OAS2: variants seen among roughly 807,000 people sequenced by gnomAD.
OAS2 encodes the protein 2'-5'-oligoadenylate synthetase 2.
Under a neutral mutation model 71.3 loss-of-function variants are expected in OAS2, and 67 were observed. That is an observed-to-expected ratio of 0.94 (90% confidence interval 0.77 to 1.15). OAS2 has a LOEUF of 1.15. Among genes scored for constraint, OAS2 ranks in the 50% most tolerant of loss-of-function variants. The probability of loss-of-function intolerance (pLI) is 0.00; values close to 1 mark genes in which losing one functional copy is unlikely to be tolerated. For synonymous variants in OAS2, 327 were observed against 321.8 expected (o/e 1.02, Z -0.17); for missense variants, 789 against 822.5 (o/e 0.96, Z 0.50).
intron 2 of OAS2, chr12:112,987,580 C>T (rs1206887516): frequency 2.4e-6 from 3 of 1,275,742 alleles, no homozygotes; most frequent in Non-Finnish European, 3.0e-6. Context: ...ACACATAAAT[C>T]ACCTGGAACC....
In OAS2 at chr12:112,978,802, G is replaced by A. The variant is rs2044052596; in HGVS notation, c.177+17G>A. On this transcript the variant is annotated intron_variant, in intron 1 of 9. Coordinates refer to ENST00000392583, the MANE Select transcript of OAS2 (RefSeq NM_002535.3). The surrounding 1 kb of genome is among the most constrained non-coding windows in gnomAD (Gnocchi z 4.2). Reference sequence around the variant, plus strand: ...GTGGCCATAGTGAGTCCAGGGCTGAGGTTGGGTCTCTGGGAGGCAGGAGAT... The same window carrying A: ...GTGGCCATAGTGAGTCCAGGGCTGAAGTTGGGTCTCTGGGAGGCAGGAGAT... 6.3e-7 allele frequency: 1 copy of A among 1,591,636 alleles called. No homozygotes were observed. The highest frequency in any genetic ancestry group is 1.3e-5 in the African/African-American group (1 of 74,128).
At chr12:112,988,076 A>G in intron 2 of OAS2, 2 of 985,466 alleles carry the variant, frequency 2.0e-6, no homozygotes, top group Non-Finnish European at 2.4e-6. Flanking sequence ...GTCTAAGCTG[A>G]CCACCAATTA....
intron 2 of OAS2, among the ~76,000 whole-genome samples, chr12:112,992,257 G>A (rs2044198822): frequency 6.6e-6 from 1 of 152,028 alleles, no homozygotes; most frequent in Non-Finnish European, 1.5e-5. Flanking sequence ...TAGATGTGGT[G>A]GCATGCAGCT....
In OAS2 at chr12:112,998,836, C is replaced by T. The variant is rs1410696978; in HGVS notation, c.1008+426C>T. On this transcript the variant is annotated intron_variant, in intron 5 of 9. Coordinates refer to ENST00000392583, the MANE Select transcript of OAS2 (RefSeq NM_002535.3). ...ACAGTCATACTGAATTAGGGCCCAA[C>T]ATAATGACCTAATCTTCACTAGATC... 2.0e-5 allele frequency among the ~76,000 whole-genome samples: 3 copies of T among 152,200 alleles called. 1 individual carries two copies. Among genetic ancestry groups the T allele is most frequent in the African/African-American group, 7.2e-5 (3 of 41,450 alleles).
At chr12:112,998,222 A>G (rs369268291) in intron 4 of OAS2, 44 bp from the exon 5 acceptor site, 117 of 1,592,816 alleles carry the variant, frequency 7.3e-5, no homozygotes, top group Admixed American at 1.1e-4. Context: ...TTTGCCTCCC[A>G]CAAGCAGCTC....
chr12:112,997,051 T>C (rs747963972), intron 3 of OAS2, among the ~76,000 whole-genome samples: 12 of 152,310 alleles, frequency 7.9e-5, no homozygotes, highest in African/African-American at 2.4e-4. Flanking sequence ...TATGCTAAGA[T>C]GTTATCTTTA....
intron 5 of OAS2, among the ~76,000 whole-genome samples, chr12:112,999,138 C>T (rs2044262000): frequency 6.6e-6 from 1 of 152,212 alleles, no homozygotes; most frequent in Non-Finnish European, 1.5e-5. Context: ...CCAGGACAGG[C>T]TCTGAGCTCC....
chr12:112,988,154 A>G, intron 2 of OAS2: 1 of 983,432 alleles, frequency 1.0e-6, no homozygotes, highest in Non-Finnish European at 1.2e-6. Flanking sequence ...CAGGTGTCCT[A>G]AAAGTTCAGC....
intron 2 of OAS2, among the ~76,000 whole-genome samples, chr12:112,991,248 A>G (rs1348322734): frequency 2.0e-5 from 3 of 152,124 alleles, no homozygotes; most frequent in East Asian, 1.9e-4. Flanking sequence ...CTGGCTCTCT[A>G]TGTCTGGGTT....
At chr12:113,000,479 CAT>C (rs1370444031) in intron 5 of OAS2, among the ~76,000 whole-genome samples, 2 of 118,214 alleles carry the variant, frequency 1.7e-5, no homozygotes, top group East Asian at 3.9e-4. Context: ...CTCATGCACA[CAT>C]ACACACACAC....
intron 2 of OAS2, chr12:112,987,996 T>A: frequency 2.0e-6 from 2 of 985,430 alleles, no homozygotes; most frequent in Non-Finnish European, 2.4e-6. Flanking sequence ...AGTGACTCCA[T>A]CTTAAAGCAA....
chr12:112,997,573 G>T lies in OAS2; in HGVS notation c.681G>T (p.Leu227=). The change falls in exon 4 of 10, where the codon CTG becomes CTT. Residue 227 remains leucine (L), a synonymous_variant. Transcript: ENST00000392583. ...LPSLSPYALE[L]LTVYAWEQGC... is the part of the protein sequence containing the mutation. ...CGCTGTCTCCGTATGCCCTGGAGCT[G>T]CTTACGGTGTATGCCTGGGAACAGG... is the stretch of plus-strand genomic sequence containing the variant. 2.5e-6 allele frequency: 4 copies of T among 1,614,154 alleles called. No individual in the cohort carries two copies. Among genetic ancestry groups the T allele is most frequent in the Non-Finnish European group, 1.7e-6 (2 of 1,180,006 alleles).
intron 1 of OAS2, among the ~76,000 whole-genome samples, chr12:112,981,510 A>G (rs1478652484): frequency 6.6e-6 from 1 of 152,088 alleles, no homozygotes; most frequent in Non-Finnish European, 1.5e-5. Context: ...TGCTTTCTCA[A>G]TCAGTTGGCT....
At position 112,990,057 on chromosome 12, in the gene OAS2, G is replaced by A. The variant is rs556243689; in HGVS notation, c.448+2749G>A. Among the ~76,000 whole-genome samples the A allele has an allele frequency of 3.3e-4, 50 of 152,218 alleles. 1 individual carries two copies. Among genetic ancestry groups the A allele is most frequent in the Admixed American group, 2.7e-3 (42 of 15,298 alleles). ...CCTGTCTCACTCCACCCTGCAGCTG[G>A]TGCTCTCTTTCCATGCACAAATATT... On this transcript the variant is annotated intron_variant, in intron 2 of 9. Coordinates refer to ENST00000392583, the MANE Select transcript of OAS2 (RefSeq NM_002535.3).
rs1197053075 is a variant in OAS2, at chr12:113,011,546, C to T, written c.*2291C>T. On this transcript the variant is annotated 3_prime_UTR_variant, in exon 10 of 10. Transcript: ENST00000392583. ...CCAATAAAAACTCTGGACAGTGAGG[C>T]TTGGGGAGCTTCCTGATTGGCAGAC... The T allele has an allele frequency of 2.0e-5, 3 of 152,188 alleles. No homozygotes were observed. The highest frequency in any genetic ancestry group is 1.3e-4 in the Admixed American group (2 of 15,278). 9.4% of individuals were successfully genotyped at this position (152,188 alleles called of 1,614,324 possible). A position where few individuals can be genotyped will look rare whatever the true frequency, so the allele number is the denominator to read the frequency against.
At chr12:113,005,918 C>A (rs866265280) in intron 7 of OAS2, among the ~76,000 whole-genome samples, 13 of 49,044 alleles carry the variant, frequency 2.7e-4, no homozygotes, top group African/African-American at 3.5e-4. Context: ...ACAACAACAA[C>A]AAAAAAAAAA....
chr12:113,009,519 T>C lies in OAS2; in HGVS notation c.*264T>C. On this transcript the variant is annotated 3_prime_UTR_variant, in exon 10 of 10. Coordinates refer to ENST00000392583, the MANE Select transcript of OAS2 (RefSeq NM_002535.3). The stretch of plus-strand genomic sequence containing the variant: ...CTCCTCTCCCAGTGACAACCAAAAG[T>C]CTTCAGACATTGTCAAACGTTCCCC... 4 of 1,150,070 alleles carry C rather than the reference T, an allele frequency of 3.5e-6. No homozygotes were observed. The highest frequency in any genetic ancestry group is 4.3e-6 in the Non-Finnish European group (4 of 936,154). The allele number at this position is 1,150,070 out of a possible 1,614,324, so 71.2% of individuals were successfully genotyped here. A position where few individuals can be genotyped will look rare whatever the true frequency, so the allele number is the denominator to read the frequency against.
At chr12:112,998,091 A>C (rs1022268182) in intron 4 of OAS2, among the ~76,000 whole-genome samples, 175 bp from the exon 5 acceptor site, 2 of 152,226 alleles carry the variant, frequency 1.3e-5, no homozygotes, top group African/African-American at 4.8e-5. Flanking sequence ...GTAAAGCAGC[A>C]AACCCAGGGC....
intron 2 of OAS2, among the ~76,000 whole-genome samples, chr12:112,988,966 T>A (rs2136380953): frequency 6.6e-6 from 1 of 152,308 alleles, no homozygotes; most frequent in African/African-American, 2.4e-5. Flanking sequence ...AGGTGAAGGA[T>A]GTACCCATGA....
Sources: allele counts gnomAD v4.1 joint callset (sites outside exome capture counted in the v4.1 genomes callset), GRCh38; gene constraint gnomAD v4.1.1; non-coding constraint Gnocchi (gnomAD v3.1); transcripts MANE v1.5; gene names NCBI Gene and HGNC (gene_info 2026-07-23, HGNC 2026-07-21).